The following PDE1A variants were observed in gnomAD, a reference collection of about 807,000 sequenced individuals.
PDE1A encodes phosphodiesterase 1A, also known as dual specificity calcium/calmodulin-dependent 3',5'-cyclic nucleotide phosphodiesterase 1A.
In PDE1A, 35 loss-of-function variants were observed where a neutral mutation model predicts 61.7. The observed-to-expected ratio is 0.57, with a 90% CI of 0.43 to 0.75. PDE1A has a LOEUF of 0.75. PDE1A is among the 30% of genes least tolerant of loss of function. PDE1A has a pLI of 0.00. For missense variants in PDE1A, 597 were observed against 630.6 expected (o/e 0.95, Z 0.57); for synonymous variants, 232 against 213.2 (o/e 1.09, Z -0.77).
At chr2:182,258,135 T>G (rs1385117665) in intron 2 of PDE1A, among the ~76,000 whole-genome samples, 3 of 150,128 alleles carry the variant, frequency 2.0e-5, no homozygotes, top group Non-Finnish European at 4.4e-5. Context: ...GCCACTGCAC[T>G]CCAGCCTAGG....
chr2:182,297,837 G>A (rs1694987860), intron 1 of PDE1A, among the ~76,000 whole-genome samples: 1 of 152,172 alleles, frequency 6.6e-6, no homozygotes, highest in African/African-American at 2.4e-5. Flanking sequence ...TAACTCTGAG[G>A]TGTGTGTTCC....
intron 1 of PDE1A, among the ~76,000 whole-genome samples, chr2:182,385,401 TC>T (rs753620802): frequency 4.7e-4 from 72 of 151,964 alleles, no homozygotes; most frequent in Non-Finnish European, 7.9e-4. Flanking sequence ...AATTATGACA[TC>T]AAAAAGTCAA....
chr2:182,527,292 C>T (rs1202804914), upstream of PDE1A, among the ~76,000 whole-genome samples: 1 of 97,436 alleles, frequency 1.0e-5, no homozygotes, highest in African/African-American at 4.1e-5. Flanking sequence ...TATGGTGAAA[C>T]CCTTTCTCTA....
chr2:182,570,399 T>C, the PDE1A span, among the ~76,000 whole-genome samples: 1 of 152,190 alleles, frequency 6.6e-6, no homozygotes, highest in Non-Finnish European at 1.5e-5. Context: ...ATAGAGACAG[T>C]TGTAAATGAC....
chr2:182,584,647 T>C, the PDE1A span, among the ~76,000 whole-genome samples: 1 of 152,198 alleles, frequency 6.6e-6, no homozygotes, highest in Non-Finnish European at 1.5e-5. Flanking sequence ...ATTGACAGTA[T>C]GTGCCAGAGA....
At chr2:182,598,398 C>G in the PDE1A span, among the ~76,000 whole-genome samples, 4 of 151,996 alleles carry the variant, frequency 2.6e-5, no homozygotes, top group African/African-American at 7.3e-5. Flanking sequence ...ATGGGGAAAC[C>G]CTGTCTCTAC....
intron 1 of PDE1A, among the ~76,000 whole-genome samples, chr2:182,276,010 T>C (rs939053874): frequency 6.6e-6 from 1 of 152,076 alleles, no homozygotes. Context: ...TAATAAATAA[T>C]ACTCCTAACT....
At chr2:182,544,745 G>A in the PDE1A span, among the ~76,000 whole-genome samples, 1 of 151,990 alleles carries the variant, frequency 6.6e-6, no homozygotes. Context: ...TTTCTGCCTC[G>A]ATTTGTCTGT....
the PDE1A span, among the ~76,000 whole-genome samples, chr2:182,648,367 A>T: frequency 6.6e-6 from 1 of 151,604 alleles, no homozygotes; most frequent in East Asian, 1.9e-4. Context: ...GCAAGAGCTT[A>T]AGTAGATGCA....
intron 2 of PDE1A, among the ~76,000 whole-genome samples, chr2:182,520,013 G>A (rs1156408041): frequency 6.6e-6 from 1 of 151,892 alleles, no homozygotes; most frequent in Non-Finnish European, 1.5e-5. Flanking sequence ...ACAATTGTTT[G>A]ATAGGTTTAA....
intron 1 of PDE1A, among the ~76,000 whole-genome samples, chr2:182,319,046 G>C (rs576021885): frequency 6.6e-6 from 1 of 151,966 alleles, no homozygotes; most frequent in African/African-American, 2.4e-5. Flanking sequence ...TTCATGTTTT[G>C]AAAATGCAAG....
intron 13 of PDE1A, among the ~76,000 whole-genome samples, chr2:182,169,036 G>A (rs17457136): frequency 0.063 from 9,591 of 151,394 alleles, 420 homozygotes; most frequent in Non-Finnish European, 0.1. Flanking sequence ...ATAATCATGC[G>A]CAATATAATG....
chr2:182,395,633 A>G (rs190901760), intron 1 of PDE1A, among the ~76,000 whole-genome samples: 28 of 152,192 alleles, frequency 1.8e-4, no homozygotes, highest in Middle Eastern at 6.8e-3. Context: ...AAGTGTGCCA[A>G]TTTTGAGTGA....
At chr2:182,374,532 A>C (rs1349051207) in intron 1 of PDE1A, among the ~76,000 whole-genome samples, 1 of 152,208 alleles carries the variant, frequency 6.6e-6, no homozygotes, top group Non-Finnish European at 1.5e-5. Context: ...TACCATTAAG[A>C]AAATAAAAAT....
intron 13 of PDE1A, among the ~76,000 whole-genome samples, chr2:182,153,374 A>G (rs1004338444): frequency 6.6e-6 from 1 of 152,182 alleles, no homozygotes; most frequent in African/African-American, 2.4e-5. Context: ...GCAAAGGCAG[A>G]GGGTTGAAAA....
the PDE1A span, among the ~76,000 whole-genome samples, chr2:182,564,742 T>C: frequency 6.6e-6 from 1 of 152,166 alleles, no homozygotes; most frequent in East Asian, 1.9e-4. Context: ...CTTGGAGGCT[T>C]TGTTCGTTTC....
At chr2:182,168,225 A>G in exon 14 of PDE1A, 1 of 1,578,276 alleles carries the variant, frequency 6.3e-7, no homozygotes, top group East Asian at 2.3e-5. Context: ...GCCACCATGC[A>G]CGAGGTTTTA....
At chr2:182,231,107 C>T in exon 5 of PDE1A, 1 of 1,594,084 alleles carries the variant, frequency 6.3e-7, no homozygotes, top group Non-Finnish European at 8.6e-7. Context: ...AGGGCAAATA[C>T]ATCGAAAGAC....
intron 2 of PDE1A, among the ~76,000 whole-genome samples, chr2:182,511,121 G>C (rs764569427): frequency 6.6e-6 from 1 of 152,078 alleles, no homozygotes; most frequent in East Asian, 1.9e-4. Context: ...ACACCGATGA[G>C]ATACGTGATG....
Sources: allele counts gnomAD v4.1 joint callset (sites outside exome capture counted in the v4.1 genomes callset), GRCh38; gene constraint gnomAD v4.1.1; transcripts MANE v1.5; gene names NCBI Gene and HGNC (gene_info 2026-07-23, HGNC 2026-07-21).